The following UNC13C variants were observed in gnomAD, a reference collection of about 807,000 sequenced individuals.
The protein encoded by UNC13C is unc-13 homolog C, also known as protein unc-13 homolog C.
UNC13C carries 174 observed loss-of-function variants against 245.4 expected under a neutral mutation model. The ratio of observed to expected loss-of-function variants is 0.71; its 90% CI spans 0.63 to 0.80. The LOEUF (loss-of-function observed/expected upper bound fraction) is 0.80. Among genes scored for constraint, UNC13C ranks in the 30% least tolerant of loss-of-function variants. UNC13C has a pLI of 0.00. For missense variants in UNC13C, 2,829 were observed against 2,602.9 expected (o/e 1.09, Z -1.89); for synonymous variants, 992 against 895.1 (o/e 1.11, Z -1.93).
chr15:54,053,069 G>C (rs190344050), intron 2 of UNC13C, among the ~76,000 whole-genome samples: 1 of 152,052 alleles, frequency 6.6e-6, no homozygotes, highest in Non-Finnish European at 1.5e-5. Context: ...GTGTGATCTC[G>C]ACCCACTGCA....
At chr15:54,620,996 GGTT>G (rs1900764812) in intron 30 of UNC13C, among the ~76,000 whole-genome samples, 1 of 152,090 alleles carries the variant, frequency 6.6e-6, no homozygotes, top group East Asian at 1.9e-4. Context: ...TAGTGTGAAG[GGTT>G]GTTCTAAAAT....
chr15:54,024,948 C>T (rs1896049368), intron 2 of UNC13C, among the ~76,000 whole-genome samples: 1 of 150,608 alleles, frequency 6.6e-6, no homozygotes, highest in South Asian at 2.1e-4. Context: ...TAAAAAAATG[C>T]TATGGAATTT....
intron 30 of UNC13C, among the ~76,000 whole-genome samples, chr15:54,591,221 G>A (rs1898770733): frequency 6.6e-6 from 1 of 152,084 alleles, no homozygotes; most frequent in African/African-American, 2.4e-5. Flanking sequence ...ATTTTAGCAT[G>A]TATATTCATC....
intron 19 of UNC13C, among the ~76,000 whole-genome samples, chr15:54,494,407 G>A (rs976565912): frequency 6.6e-6 from 1 of 151,914 alleles, no homozygotes; most frequent in East Asian, 1.9e-4. Context: ...TTGCATTACT[G>A]CTTGACCTAT....
At chr15:54,632,307 TAAGAG>T (rs1901469916), downstream of UNC13C, 1 of 152,232 alleles carries the variant, frequency 6.6e-6, no homozygotes, top group African/African-American at 2.4e-5. Context: ...ACAACCTCTT[TAAGAG>T]AACAAAAGGT....
At position 54,015,552 on chromosome 15, in the gene UNC13C, A is replaced by G. The variant is rs528659349; in HGVS notation, c.2649A>G (p.Glu883=). 35 of 1,613,812 alleles carry G rather than the reference A, an allele frequency of 2.2e-5. 1 individual carries two copies. The South Asian group carries it at 3.3e-4, about 15-fold the overall frequency. ...DNETDYVEVM[E]QVLAKLENRT... ...AAACAGATTATGTTGAAGTCATGGA[A>G]CAAGTCCTTGCTAAACTAGAAAACA... The change falls in exon 2 of 33, where the codon GAA becomes GAG. Residue 883 remains glutamate, a synonymous_variant. Transcript: ENST00000260323.
At chr15:54,463,026 CTG>C (rs1159973597) in intron 19 of UNC13C, among the ~76,000 whole-genome samples, 5 of 151,908 alleles carry the variant, frequency 3.3e-5, no homozygotes, top group Non-Finnish European at 7.4e-5. Flanking sequence ...AATCAGCACT[CTG>C]TGTCTAGCTA....
intron 19 of UNC13C, among the ~76,000 whole-genome samples, chr15:54,452,114 T>G (rs189352075): frequency 6.6e-6 from 1 of 152,238 alleles, no homozygotes; most frequent in Admixed American, 6.5e-5. Context: ...TTGCTTAGGA[T>G]GGAGGCATCA....
chr15:54,461,380 G>A (rs892703005), intron 19 of UNC13C, among the ~76,000 whole-genome samples: 26 of 151,946 alleles, frequency 1.7e-4, no homozygotes, highest in African/African-American at 6.3e-4. Context: ...AAACACTACT[G>A]GTCCCTAGCA....
chr15:54,294,849 C>G (rs533113991), intron 11 of UNC13C, among the ~76,000 whole-genome samples: 19 of 151,900 alleles, frequency 1.3e-4, no homozygotes, highest in Non-Finnish European at 2.8e-4. Flanking sequence ...ACTTAGGATA[C>G]CAACATATGT....
At chr15:54,566,741 A>G (rs1454773039) in intron 29 of UNC13C, among the ~76,000 whole-genome samples, 1 of 152,140 alleles carries the variant, frequency 6.6e-6, no homozygotes, top group Non-Finnish European at 1.5e-5. Flanking sequence ...GGGAAAAAAA[A>G]ACTGAGAAAA....
At chr15:54,403,071 A>G (rs1052250044) in intron 18 of UNC13C, among the ~76,000 whole-genome samples, 4 of 152,188 alleles carry the variant, frequency 2.6e-5, no homozygotes, top group African/African-American at 4.8e-5. Context: ...TGCAATATGA[A>G]CATGAGGACT....
At chr15:54,418,076 A>G (rs1423396350) in intron 19 of UNC13C, among the ~76,000 whole-genome samples, 2 of 152,036 alleles carry the variant, frequency 1.3e-5, no homozygotes, top group East Asian at 3.9e-4. Context: ...TCCCTTCTAT[A>G]TTGAAGTACA....
intron 17 of UNC13C, among the ~76,000 whole-genome samples, chr15:54,376,929 C>A (rs531997424): frequency 6.6e-6 from 1 of 152,222 alleles, no homozygotes; most frequent in East Asian, 1.9e-4. Context: ...GAGATGAGAT[C>A]CTCCTAGATT....
intron 19 of UNC13C, among the ~76,000 whole-genome samples, chr15:54,485,051 C>A (rs915014991): frequency 6.6e-6 from 1 of 151,548 alleles, no homozygotes; most frequent in Non-Finnish European, 1.5e-5. Context: ...TTTACTGACA[C>A]AATCAGGGCC....
intron 29 of UNC13C, among the ~76,000 whole-genome samples, chr15:54,557,240 G>A (rs181356487): frequency 1.3e-4 from 20 of 151,936 alleles, no homozygotes; most frequent in African/African-American, 3.4e-4. Context: ...GCCCCAAAGC[G>A]TGTGTCAGTT....
chr15:53,847,092 A>G, the UNC13C span, among the ~76,000 whole-genome samples: 5 of 152,174 alleles, frequency 3.3e-5, no homozygotes, highest in African/African-American at 1.2e-4. Flanking sequence ...ACAAAAAACA[A>G]CAAATGCTCA....
chr15:54,172,057 A>T (rs977629186), intron 4 of UNC13C, among the ~76,000 whole-genome samples: 1 of 152,118 alleles, frequency 6.6e-6, no homozygotes. Context: ...CTAAAAATTA[A>T]AACAATTGTA....
chr15:54,583,417 A>T (rs553015820), intron 30 of UNC13C, among the ~76,000 whole-genome samples: 2 of 152,324 alleles, frequency 1.3e-5, no homozygotes, highest in South Asian at 4.1e-4. Context: ...TTTATGAAAC[A>T]AAAACAGTTT....
Sources: allele counts gnomAD v4.1 joint callset (sites outside exome capture counted in the v4.1 genomes callset), GRCh38; gene constraint gnomAD v4.1.1; transcripts MANE v1.5; gene names NCBI Gene and HGNC (gene_info 2026-07-23, HGNC 2026-07-21).